Variants in DOCK6 observed in about 807,000 individuals in gnomAD.
DOCK6 encodes the protein dedicator of cytokinesis 6.
Under a neutral mutation model 230.3 loss-of-function variants are expected in DOCK6, and 167 were observed. The observed-to-expected ratio is 0.73, with a 90% confidence interval of 0.64 to 0.82. The LOEUF is 0.82. Among genes scored for constraint, DOCK6 ranks in the 40% least tolerant of loss-of-function variants. The probability of loss-of-function intolerance (pLI) is 0.00; values close to 1 mark genes in which losing one functional copy is unlikely to be tolerated. For missense variants in DOCK6, 2,598 were observed against 2,825.8 expected, an observed-to-expected ratio of 0.92 and a Z score of 1.83; for synonymous variants, 1,148 against 1,185.0, an observed-to-expected ratio of 0.97 and a Z score of 0.64.
intron 37 of DOCK6, among the ~76,000 whole-genome samples, 178 bp downstream of exon 37, chr19:11,211,597 CT>C (rs2079386792): frequency 6.8e-6 from 1 of 146,934 alleles, no homozygotes. Flanking sequence ...GTCTGCTCAC[CT>C]GTCCCCCTCA....
chr19:11,262,377 G>GGGCCCCGC lies in DOCK6; in HGVS notation c.44+12_44+19dup, dbSNP rs2080305790. 1 of 1,273,122 alleles carries GGGCCCCGC rather than the reference G, an allele frequency of 7.9e-7. No individual in the cohort carries two copies. The highest frequency in any genetic ancestry group is 9.9e-7 in the Non-Finnish European group (1 of 1,008,366). The allele number at this position is 1,273,122 out of a possible 1,614,324, so 78.9% of individuals were successfully genotyped here. ...CGGGCCACGTGGGGGAGGTGGGAGGGGGCCCCGCGGCCACACTACCTGTTG... is the reference window on the plus strand; with the variant it reads ...CGGGCCACGTGGGGGAGGTGGGAGGGGGCCCCGCGGCCCCGCGGCCACACTACCTGTTG... On this transcript the variant is annotated intron_variant, in intron 1 of 47. Transcript: ENST00000294618.
chr19:11,232,732 G>T (rs1328376510), intron 22 of DOCK6, among the ~76,000 whole-genome samples: 1 of 139,106 alleles, frequency 7.2e-6, no homozygotes, highest in Non-Finnish European at 1.5e-5. Context: ...ACGTATACGT[G>T]CCCATGTACA....
intron 23 of DOCK6, among the ~76,000 whole-genome samples, chr19:11,228,598 C>T (rs576161624): frequency 1.9e-4 from 25 of 134,824 alleles, no homozygotes; most frequent in Non-Finnish European, 3.3e-4. Context: ...CTCGCTCTGT[C>T]GCCCAGGCTG....
chr19:11,217,447 G>A lies in DOCK6; in HGVS notation c.3551-56C>T, dbSNP rs982088938. On this transcript the variant is annotated intron_variant, in intron 28 of 47. Transcript: ENST00000294618. ...TAAACCCTTGGTAAGTGCTGTCCCT[G>A]TCTCAAATTTCAGAAGTCTTCCCTC... The A allele has an allele frequency of 1.8e-5, 29 of 1,568,194 alleles. No individual in the cohort carries two copies. In the East Asian group the frequency reaches 5.6e-4, roughly 30 times the overall value.
At chr19:11,215,569 G>C in intron 31 of DOCK6, 98 bp from the exon 32 acceptor site, 1 of 1,344,898 alleles carries the variant, frequency 7.4e-7, no homozygotes, top group Non-Finnish European at 1.0e-6. Context: ...CAGGTGGGCT[G>C]ACCCATGAGG....
In DOCK6 at chr19:11,202,829, A is replaced by T; in HGVS notation, c.5236-120T>A. The T allele has an allele frequency of 6.6e-7, 1 of 1,519,814 alleles. No individual in the cohort carries two copies. Among genetic ancestry groups the T allele is most frequent in the South Asian group, 1.1e-5 (1 of 88,276 alleles). 94.1% of individuals were successfully genotyped at this position (1,519,814 alleles called of 1,614,324 possible). ...GTGAGGACCCCGAGAACATCAGGGC[A>T]TGGGCACAGGCAGGGGGCCCTGAGA... On this transcript the variant is annotated intron_variant, in intron 41 of 47. Coordinates refer to ENST00000294618, the MANE Select transcript of DOCK6 (RefSeq NM_020812.4). The surrounding 1 kb of genome is among the most constrained non-coding windows in gnomAD (Gnocchi z 5.3).
chr19:11,261,238 C>A (rs1002325999), intron 1 of DOCK6, among the ~76,000 whole-genome samples: 1 of 152,062 alleles, frequency 6.6e-6, no homozygotes, highest in African/African-American at 2.4e-5. Flanking sequence ...TTTCCCCCCA[C>A]AAACTGGCCT....
At chr19:11,219,659 G>A (rs1421811469) in intron 28 of DOCK6, among the ~76,000 whole-genome samples, 1 of 151,526 alleles carries the variant, frequency 6.6e-6, no homozygotes, top group African/African-American at 2.4e-5. Flanking sequence ...GCGTGGTGAC[G>A]GGCGCCTGTA....
In DOCK6 at chr19:11,236,682, A is replaced by G; in HGVS notation, c.2161-105T>C. The stretch of plus-strand genomic sequence containing the variant: ...AAGCTGGGTCCAGCTGACCAAAGTC[A>G]CGTCCAAGGCCTGAGGCCAGACCTC... On this transcript the variant is annotated intron_variant, in intron 19 of 47. Coordinates refer to ENST00000294618, the MANE Select transcript of DOCK6 (RefSeq NM_020812.4). The surrounding 1 kb of genome is among the most constrained non-coding windows in gnomAD (Gnocchi z 5.2). 2 of 1,510,390 alleles carry G rather than the reference A, an allele frequency of 1.3e-6. No individual in the cohort carries two copies. The highest frequency in any genetic ancestry group is 1.8e-6 in the Non-Finnish European group (2 of 1,112,302). 93.6% of individuals were successfully genotyped at this position (1,510,390 alleles called of 1,614,324 possible). A position where few individuals can be genotyped will look rare whatever the true frequency, so the allele number is the denominator to read the frequency against.
intron 14 of DOCK6, among the ~76,000 whole-genome samples, chr19:11,240,821 C>T (rs911613777): frequency 3.3e-5 from 5 of 151,772 alleles, no homozygotes; most frequent in Non-Finnish European, 7.4e-5. Context: ...CTGCCTGCCT[C>T]GGTTTCCCAA....
Position 11,201,948 on chromosome 19 carries a change from T to C in DOCK6, c.5629A>G (p.Ser1877Gly). 6.2e-7 allele frequency: 1 copy of C among 1,611,786 alleles called. No individual in the cohort carries two copies. The highest frequency in any genetic ancestry group is 8.5e-7 in the Non-Finnish European group (1 of 1,178,930). The change falls in exon 44 of 48, where the codon AGC (serine) becomes GGC (glycine). Residue 1877 changes from serine (S) to glycine (G), a missense_variant. Transcript: ENST00000294618. This position sits in a 1 kb window ranked among gnomAD's most constrained non-coding sequence, Gnocchi z 4.3. The part of the protein sequence containing the change: ...PEQHKRKTLL[S>G]TDHAFPYIKT... ...ATGTAGGGGAAGGCGTGGTCGGTGC[T>C]GAGCAGCGTCTTACGCTTGTGTTGC...
In DOCK6 at chr19:11,199,602, G is replaced by C. The variant is rs913636875; in HGVS notation, c.6102-63C>G. On this transcript the variant is annotated intron_variant, in intron 47 of 47. Transcript: ENST00000294618. Reference sequence around the variant, plus strand: ...GGCCCCCAACTCCATAGACCTCCCAGCCCACATCCTCTTCCTCCTCCTCCT... The same window carrying C: ...GGCCCCCAACTCCATAGACCTCCCACCCCACATCCTCTTCCTCCTCCTCCT... 7.4e-6 allele frequency: 11 copies of C among 1,494,492 alleles called. No individual in the cohort carries two copies. In the Admixed American group the frequency reaches 2.2e-4, roughly 29 times the overall value. 92.6% of individuals were successfully genotyped at this position (1,494,492 alleles called of 1,614,324 possible).
At chr19:11,237,392 G>A in intron 18 of DOCK6, 64 bp downstream of exon 18, 2 of 1,579,280 alleles carry the variant, frequency 1.3e-6, no homozygotes, top group Non-Finnish European at 1.7e-6. Flanking sequence ...AGGAAGGAAG[G>A]CAGGTGACTC....
chr19:11,224,030 G>A (rs758840491), intron 24 of DOCK6, among the ~76,000 whole-genome samples: 5 of 152,028 alleles, frequency 3.3e-5, no homozygotes, highest in African/African-American at 1.2e-4. Flanking sequence ...TCCCTGCTGC[G>A]GGTCCAACTC....
At chr19:11,242,291 C>G in intron 13 of DOCK6, 84 bp from the exon 14 acceptor site, 1 of 1,285,398 alleles carries the variant, frequency 7.8e-7, no homozygotes, top group South Asian at 2.9e-5. Flanking sequence ...TCAGGGCAGA[C>G]TCTCCCATGA....
In DOCK6 at chr19:11,248,126, C is replaced by T. The variant is rs372648250; in HGVS notation, c.746G>A (p.Arg249His). ...DEDEAVERCS[R>H]PEPPREHFGQ... ...AAAGTGCTCGCGGGGTGGCTCTGGG[C>T]GGCTACAGCGTTCCACGGCTTCATC... The change falls in exon 7 of 48, where the codon CGC (arginine) becomes CAC (histidine). Residue 249 changes from arginine to histidine, a missense_variant. By Grantham distance (29) the Arg-to-His change is conservative. Transcript: ENST00000294618. 4.2e-5 allele frequency: 66 copies of T among 1,566,698 alleles called. No homozygotes were observed. Among genetic ancestry groups the T allele is most frequent in the Non-Finnish European group, 5.1e-5 (59 of 1,153,064 alleles).
Position 11,243,604 on chromosome 19 carries a change from A to G in DOCK6, c.1211T>C (p.Ile404Thr), listed in dbSNP as rs1344253695. Residue 404 changes from isoleucine to threonine, a missense_variant, in exon 11 of 48, where the codon ATC (isoleucine) becomes ACC (threonine). By Grantham distance (89) the Ile-to-Thr change is moderately conservative. Coordinates refer to ENST00000294618, the MANE Select transcript of DOCK6 (RefSeq NM_020812.4). The surrounding 1 kb of genome is among the most constrained non-coding windows in gnomAD (Gnocchi z 6.3). ...FAWTAVHLAN[I>T]VSSAGQLDRD... ...GTCCAGCTGCCCAGCGCTGCTCACG[A>G]TGTTGGCCAAGTGCACGGCCGTCCA... is the stretch of plus-strand genomic sequence containing the variant. 6.2e-7 allele frequency: 1 copy of G among 1,610,876 alleles called. No homozygotes were observed. Among genetic ancestry groups the G allele is most frequent in the African/African-American group, 1.3e-5 (1 of 74,798 alleles).
intron 1 of DOCK6, among the ~76,000 whole-genome samples, chr19:11,261,746 C>A (rs2080292834): frequency 1.3e-5 from 2 of 152,142 alleles, no homozygotes; most frequent in South Asian, 4.1e-4. Context: ...AGCCCCCACT[C>A]CCTCCATTCA....
At chr19:11,209,203 G>A (rs1469781729) in intron 37 of DOCK6, 100 bp from the exon 38 acceptor site, 25 of 1,394,648 alleles carry the variant, frequency 1.8e-5, no homozygotes, top group Middle Eastern at 2.5e-4. Flanking sequence ...CCCCATGTCC[G>A]CCCCAAGGAC....
Sources: gnomAD v4.1 joint callset for allele counts (sites outside exome capture counted in the v4.1 genomes callset) on GRCh38, gnomAD v4.1.1 for gene constraint, Gnocchi (gnomAD v3.1) non-coding constraint, MANE v1.5 for transcripts, NCBI Gene and HGNC (gene_info 2026-07-23, HGNC 2026-07-21) for gene names.